Variants in FAM120A observed in about 807,000 individuals in gnomAD.
FAM120A encodes constitutive coactivator of PPAR-gamma-like protein 1.
In FAM120A, 15 loss-of-function variants were observed where a neutral mutation model predicts 109.7. That is an observed-to-expected ratio of 0.14 (90% CI 0.09 to 0.21). The LOEUF (loss-of-function observed/expected upper bound fraction) is 0.21, where lower values mean the gene tolerates loss of function less well. Ranked by LOEUF, FAM120A falls within the 10% of genes least tolerant of loss-of-function variation. FAM120A has a pLI of 1.00. For synonymous variants in FAM120A, 493 were observed against 572.8 expected (o/e 0.86, Z 1.99); for missense variants, 899 against 1,439.3 (o/e 0.62, Z 6.07).
intron 1 of FAM120A, 70 bp from the exon 2 acceptor site, chr9:93,471,071 A>C: frequency 6.5e-7 from 1 of 1,548,682 alleles, no homozygotes; most frequent in Non-Finnish European, 8.8e-7. Flanking sequence ...CTGTGCAAAC[A>C]TTTCTGCTTA....
Position 93,529,398 on chromosome 9 carries a change from G to A in FAM120A, c.1552G>A (p.Gly518Ser). The change falls in exon 9 of 18, where the codon GGC becomes AGC. Residue 518 changes from glycine (G) to serine (S), a missense_variant. Around this residue, in one of 11 missense-constraint regions of FAM120A, gnomAD observed 57 missense variants for 52.9 expected, o/e 1.08. Transcript: ENST00000277165. ...CTCTTCAGGAAGCCAACTAGCCGAA[G>A]GCAAGGGAAGCCAGATGGGCACTGT... ...TASSGSQLAE[G>S]KGSQMGTVQP... The A allele has an allele frequency of 6.2e-7, 1 of 1,613,328 alleles. No individual in the cohort carries two copies. The highest frequency in any genetic ancestry group is 1.3e-5 in the African/African-American group (1 of 75,052).
intron 12 of FAM120A, among the ~76,000 whole-genome samples, chr9:93,556,113 C>G (rs1478769742): frequency 1.3e-5 from 2 of 152,188 alleles, no homozygotes; most frequent in Admixed American, 6.5e-5. Context: ...CAGTGTTACT[C>G]TACACTGCGG....
rs73651231 is a variant in FAM120A, at chr9:93,475,539, A to T, written c.722-717A>T. On this transcript the variant is annotated intron_variant, in intron 2 of 17. Transcript: ENST00000277165. The stretch of plus-strand genomic sequence containing the variant: ...ATTACTGCTTTGAGATTTCAATGAG[A>T]TAGCTAACCTACTAAAGATCAGGTA... Among the ~76,000 whole-genome samples, 421 of 152,324 alleles carry T rather than the reference A, an allele frequency of 2.8e-3. 1 individual carries two copies. The highest frequency in any genetic ancestry group is 9.9e-3 in the African/African-American group (413 of 41,574).
intron 2 of FAM120A, among the ~76,000 whole-genome samples, chr9:93,473,301 G>A (rs977120134): frequency 5.3e-5 from 8 of 151,700 alleles, no homozygotes; most frequent in South Asian, 2.1e-4. Context: ...GTGAGCTACC[G>A]CGCCCAGCCT....
At chr9:93,533,704 C>T (rs1423358488) in intron 10 of FAM120A, among the ~76,000 whole-genome samples, 1 of 152,158 alleles carries the variant, frequency 6.6e-6, no homozygotes, top group Non-Finnish European at 1.5e-5. Context: ...GGCCCTCAGA[C>T]CCCCTTTTTT....
chr9:93,562,844 T>C (rs1862520912), intron 17 of FAM120A, among the ~76,000 whole-genome samples: 1 of 152,060 alleles, frequency 6.6e-6, no homozygotes, highest in Non-Finnish European at 1.5e-5. Flanking sequence ...TTTGTAGTTT[T>C]AGTAGAGTTG....
At chr9:93,562,182 A>C (rs773323813) in intron 16 of FAM120A, 26 bp from the exon 17 acceptor site, 26 of 1,543,904 alleles carry the variant, frequency 1.7e-5, no homozygotes, top group Non-Finnish European at 2.1e-5. Context: ...TTAAGTGTTT[A>C]CTGTTGTCCT....
At chr9:93,472,821 A>G (rs114462837) in intron 2 of FAM120A, among the ~76,000 whole-genome samples, 1,621 of 152,242 alleles carry the variant, frequency 0.011, 35 homozygotes, top group African/African-American at 0.036. Context: ...ATTGATTTCT[A>G]TTTCTCCCAA....
intron 13 of FAM120A, among the ~76,000 whole-genome samples, chr9:93,556,792 T>G (rs186006197): frequency 2.3e-3 from 356 of 152,328 alleles, no homozygotes; most frequent in Middle Eastern, 0.017. Flanking sequence ...TCTCATTATT[T>G]GTGGTAGTAA....
At chr9:93,491,848 T>TA (rs900633737) in intron 3 of FAM120A, among the ~76,000 whole-genome samples, 18 of 152,226 alleles carry the variant, frequency 1.2e-4, no homozygotes, top group South Asian at 4.1e-4. Context: ...GGCTAAGATT[T>TA]AAAAAAACTG....
At chr9:93,453,960 A>G (rs563801758) in intron 1 of FAM120A, among the ~76,000 whole-genome samples, 4 of 152,340 alleles carry the variant, frequency 2.6e-5, no homozygotes, top group East Asian at 1.9e-4. Context: ...TCAAGGGAAC[A>G]CTGTGAATAT....
At chr9:93,554,591 T>C (rs1369088200) in intron 12 of FAM120A, among the ~76,000 whole-genome samples, 3 of 152,074 alleles carry the variant, frequency 2.0e-5, no homozygotes, top group Non-Finnish European at 4.4e-5. Flanking sequence ...GAGAATTGCT[T>C]GAACCTGGGA....
intron 14 of FAM120A, 86 bp from the exon 15 acceptor site, chr9:93,558,495 A>G: frequency 2.0e-6 from 3 of 1,520,502 alleles, no homozygotes; most frequent in Admixed American, 3.7e-5. Context: ...TGGAGGAGGC[A>G]GGGGCCACTC....
At chr9:93,494,284 C>T (rs1588838463) in intron 3 of FAM120A, among the ~76,000 whole-genome samples, 1 of 152,332 alleles carries the variant, frequency 6.6e-6, no homozygotes, top group Admixed American at 6.5e-5. Flanking sequence ...TTCAATCTTT[C>T]CTTCAGGACA....
intron 7 of FAM120A, among the ~76,000 whole-genome samples, chr9:93,522,776 A>G (rs549920701): frequency 2.0e-5 from 3 of 152,290 alleles, no homozygotes; most frequent in Non-Finnish European, 4.4e-5. Flanking sequence ...ATGTAGTGTT[A>G]TGGAGGCATC....
intron 1 of FAM120A, among the ~76,000 whole-genome samples, chr9:93,453,995 A>G (rs1180511490): frequency 6.6e-6 from 1 of 152,236 alleles, no homozygotes; most frequent in Non-Finnish European, 1.5e-5. Flanking sequence ...ATCAGTATGT[A>G]TGCATATGGT....
At chr9:93,517,442 C>T (rs1278866972) in intron 7 of FAM120A, among the ~76,000 whole-genome samples, 2 of 152,272 alleles carry the variant, frequency 1.3e-5, no homozygotes, top group East Asian at 3.9e-4. Context: ...TTTAAATAAG[C>T]ACCTCAGTCA....
chr9:93,519,987 C>T (rs883783), intron 7 of FAM120A, among the ~76,000 whole-genome samples: 11,664 of 152,052 alleles, frequency 0.077, 576 homozygotes, highest in Non-Finnish European at 0.1. Flanking sequence ...GTGATCCTCA[C>T]ACCTTAGCAT....
chr9:93,564,268 A>G lies in FAM120A; in HGVS notation c.3085A>G (p.Lys1029Glu). ...TGCTGCTTCAGCAGAAGAAGTGGCCAAAGAACTTAAGTCAAAATCTGGGGA... is the reference window on the plus strand; with the variant it reads ...TGCTGCTTCAGCAGAAGAAGTGGCCGAAGAACTTAAGTCAAAATCTGGGGA... ...PYAASAEEVA[K>E]ELKSKSGESK... The change falls in exon 18 of 18, where the codon AAA becomes GAA. Residue 1029 changes from lysine to glutamate, a missense_variant. This residue lies in a region of FAM120A where 170 missense variants were observed against 205.0 expected (regional missense o/e 0.83). Coordinates refer to ENST00000277165, the MANE Select transcript of FAM120A (RefSeq NM_014612.5). 6.2e-7 allele frequency: 1 copy of G among 1,613,822 alleles called. No individual in the cohort carries two copies. Among genetic ancestry groups the G allele is most frequent in the African/African-American group, 1.3e-5 (1 of 75,050 alleles).
Sources: gnomAD v4.1 joint callset for allele counts (sites outside exome capture counted in the v4.1 genomes callset) on GRCh38, gnomAD v4.1.1 for gene constraint, gnomAD v4.1.1 regional missense constraint, MANE v1.5 for transcripts, NCBI Gene and HGNC (gene_info 2026-07-23, HGNC 2026-07-21) for gene names.